The following NF1 variants were observed in gnomAD, a reference collection of about 807,000 sequenced individuals.
NF1 encodes the protein neurofibromin.
In NF1, 122 loss-of-function variants were observed where a neutral mutation model predicts 325.7. That is an observed-to-expected ratio of 0.37 (90% CI 0.32 to 0.44). NF1 has a LOEUF of 0.44. Ranked by LOEUF, NF1 falls within the 20% of genes least tolerant of loss-of-function variation. The probability of loss-of-function intolerance (pLI) is 1.00; values close to 1 mark genes in which losing one functional copy is unlikely to be tolerated. For synonymous variants in NF1, 1,091 were observed against 1,186.0 expected, an observed-to-expected ratio of 0.92 and a Z score of 1.65; for missense variants, 2,140 against 3,415.4, an observed-to-expected ratio of 0.63 and a Z score of 9.31.
chr17:31,249,106 A>T lies in NF1; in HGVS notation c.4097A>T (p.His1366Leu), dbSNP rs769042915. 2 of 1,614,030 alleles carry T rather than the reference A, an allele frequency of 1.2e-6. No individual in the cohort carries two copies. Among genetic ancestry groups the T allele is most frequent in the South Asian group, 2.2e-5 (2 of 91,078 alleles). Residue 1366 changes from histidine to leucine, a missense_variant, in exon 30 of 58, where the codon CAC becomes CTC. His to Leu is a moderately conservative substitution (Grantham distance 99, BLOSUM62 -3). Around this residue, in one of 10 missense-constraint regions of NF1, gnomAD observed 336 missense variants for 399.0 expected, o/e 0.84. Transcript: ENST00000358273. The stretch of plus-strand genomic sequence containing the variant: ...CCCCCTCAACTTCGAAGTGTGTGCC[A>T]CTGTTTATACCAGGTATGCTTACAG... ...EFPPQLRSVC[H>L]CLYQATCHSL...
At chr17:31,317,772 A>T (rs1268518396) in intron 36 of NF1, 1 of 152,368 alleles carries the variant, frequency 6.6e-6, no homozygotes, top group Non-Finnish European at 1.5e-5. Context: ...AAGATAAAGG[A>T]TCTATTCTAA....
In NF1 at chr17:31,094,978, C is replaced by G; in HGVS notation, c.-332C>G. ...TCCCCGGGCCGTGGAAAGGATCCCA[C>G]TTCCGGTGGGGTGTCATGGCGGCGT... is the stretch of plus-strand genomic sequence containing the variant. On this transcript the variant is annotated 5_prime_UTR_variant, in exon 1 of 58. Transcript: ENST00000358273. 1.9e-6 allele frequency: 1 copy of G among 533,548 alleles called. No individual in the cohort carries two copies. The highest frequency in any genetic ancestry group is 3.3e-6 in the Non-Finnish European group (1 of 300,688). 33.1% of individuals were successfully genotyped at this position (533,548 alleles called of 1,614,324 possible). A position where few individuals can be genotyped will look rare whatever the true frequency, so the allele number is the denominator to read the frequency against.
intron 1 of NF1, among the ~76,000 whole-genome samples, chr17:31,120,988 A>G (rs1359784512): frequency 1.3e-5 from 2 of 152,208 alleles, no homozygotes; most frequent in Non-Finnish European, 2.9e-5. Context: ...ATAAAACACT[A>G]AATTAAAAGA....
chr17:31,261,164 A>G (rs2151465633), intron 34 of NF1, among the ~76,000 whole-genome samples: 1 of 151,828 alleles, frequency 6.6e-6, no homozygotes, highest in Admixed American at 6.6e-5. Flanking sequence ...AATCGCTTGA[A>G]CCCAGGAGGC....
intron 1 of NF1, among the ~76,000 whole-genome samples, chr17:31,153,607 T>C (rs1189503151): frequency 6.6e-6 from 1 of 152,182 alleles, no homozygotes. Flanking sequence ...CATAGATGCT[T>C]ATACCACATT....
chr17:31,338,610 A>G (rs1597845805), intron 45 of NF1, 94 bp from the exon 46 acceptor site: 1 of 804,082 alleles, frequency 1.2e-6, no homozygotes, highest in Non-Finnish European at 2.2e-6. Context: ...TTTATTAAAT[A>G]AGTAAATGTT....
In NF1 at chr17:31,129,252, A is replaced by G. The variant is rs187028573; in HGVS notation, c.61-26731A>G. 9.9e-5 allele frequency among the ~76,000 whole-genome samples: 15 copies of G among 152,168 alleles called. No homozygotes were observed. In the East Asian group the frequency reaches 2.7e-3, roughly 27 times the overall value. ...TTTCCAAGTTGCTGCCTTTCTCCCCATATCTTTCAGGGATACCAGTGAATC... is the reference window on the plus strand; with the variant it reads ...TTTCCAAGTTGCTGCCTTTCTCCCCGTATCTTTCAGGGATACCAGTGAATC... On this transcript the variant is annotated intron_variant, in intron 1 of 57. Transcript: ENST00000358273.
intron 5 of NF1, among the ~76,000 whole-genome samples, chr17:31,172,397 A>G (rs1486460164): frequency 1.3e-5 from 2 of 151,292 alleles, no homozygotes; most frequent in Non-Finnish European, 2.9e-5. Flanking sequence ...CGATATACCT[A>G]TCTGTATATA....
At chr17:31,198,028 A>G (rs1227489268) in intron 8 of NF1, among the ~76,000 whole-genome samples, 3 of 152,068 alleles carry the variant, frequency 2.0e-5, no homozygotes, top group African/African-American at 7.2e-5. Flanking sequence ...AACTTTGTCA[A>G]GTGGTTTCTC....
intron 24 of NF1, 151 bp downstream of exon 24, chr17:31,231,076 T>G (rs1033456974): frequency 3.1e-6 from 2 of 655,014 alleles, no homozygotes; most frequent in Admixed American, 5.0e-5. Flanking sequence ...CTAATCTTTA[T>G]TACTGCTTTT....
intron 1 of NF1, among the ~76,000 whole-genome samples, chr17:31,118,938 C>CTT (rs35974893): frequency 6.5e-4 from 95 of 146,332 alleles, no homozygotes; most frequent in Non-Finnish European, 6.3e-4. Context: ...GTCTCTCTCT[C>CTT]TTTTTTTTTT....
At chr17:31,361,860 G>A (rs2070408728) in intron 57 of NF1, among the ~76,000 whole-genome samples, 1 of 152,118 alleles carries the variant, frequency 6.6e-6, no homozygotes, top group Non-Finnish European at 1.5e-5. Flanking sequence ...ATTAAATTCT[G>A]CTTAACAACA....
At chr17:31,233,624 A>T (rs1263467501) in intron 27 of NF1, among the ~76,000 whole-genome samples, 7 of 152,290 alleles carry the variant, frequency 4.6e-5, no homozygotes, top group Middle Eastern at 3.4e-3. Context: ...TAAGCACTAT[A>T]TTTGCATTTG....
At chr17:31,351,606 G>A (rs1171275285) in intron 50 of NF1, among the ~76,000 whole-genome samples, 1 of 152,088 alleles carries the variant, frequency 6.6e-6, no homozygotes, top group Non-Finnish European at 1.5e-5. Context: ...TGTAGAGATG[G>A]GGTTTCACCA....
intron 33 of NF1, among the ~76,000 whole-genome samples, 163 bp downstream of exon 33, chr17:31,259,292 C>T (rs1391017453): frequency 1.3e-5 from 2 of 152,062 alleles, no homozygotes; most frequent in African/African-American, 4.8e-5. Flanking sequence ...CTATAAAAGA[C>T]AGTCATGAAA....
intron 37 of NF1, 71 bp from the exon 38 acceptor site, chr17:31,327,427 TG>T: frequency 1.6e-6 from 2 of 1,216,258 alleles, no homozygotes; most frequent in Non-Finnish European, 2.4e-6. Flanking sequence ...GGTTGGTTTC[TG>T]GAGCCTTTTA....
rs531415018 is a variant in NF1, at chr17:31,173,418, T to TA, written c.586+3424dup. On this transcript the variant is annotated intron_variant, in intron 5 of 57. Coordinates refer to ENST00000358273, the MANE Select transcript of NF1 (RefSeq NM_001042492.3). ...GAGTGATACTCCGTCTCTAAATAAA[T>TA]AAATAAAATAAAATAAAAATACAAA... Among the ~76,000 whole-genome samples, 111 of 151,258 alleles carry TA rather than the reference T, an allele frequency of 7.3e-4. 2 individuals carry two copies. The South Asian group carries it at 0.022, about 30-fold the overall frequency.
intron 36 of NF1, chr17:31,305,501 A>G: frequency 6.2e-7 from 1 of 1,614,202 alleles, no homozygotes; most frequent in Non-Finnish European, 8.5e-7. Flanking sequence ...GATGATGTGA[A>G]TAAGGTAGGC....
intron 1 of NF1, among the ~76,000 whole-genome samples, chr17:31,105,757 T>A (rs2001287): frequency 6.6e-6 from 1 of 152,078 alleles, no homozygotes; most frequent in East Asian, 1.9e-4. Flanking sequence ...CAGGTGATCC[T>A]CCTGCCTTGG....
Sources: gnomAD v4.1 joint callset for allele counts (sites outside exome capture counted in the v4.1 genomes callset) on GRCh38, gnomAD v4.1.1 for gene constraint, gnomAD v4.1.1 regional missense constraint, MANE v1.5 for transcripts, NCBI Gene and HGNC (gene_info 2026-07-23, HGNC 2026-07-21) for gene names.